Variants in GRIK4 observed in about 807,000 individuals in gnomAD.
GRIK4 encodes glutamate receptor ionotropic, kainate 4.
A neutral mutation model predicts 104.9 loss-of-function variants in GRIK4; 40 were observed. That is an observed-to-expected ratio of 0.38 (90% confidence interval 0.30 to 0.50). The LOEUF (loss-of-function observed/expected upper bound fraction) is 0.50. GRIK4 is among the 20% of genes least tolerant of loss of function. The probability of loss-of-function intolerance (pLI) is 0.93; values close to 1 mark genes in which losing one functional copy is unlikely to be tolerated. For synonymous variants in GRIK4, 485 were observed against 524.9 expected (o/e 0.92, Z 1.04); for missense variants, 1,047 against 1,308.1 (o/e 0.80, Z 3.08).
At chr11:120,901,181 C>A (rs562557323) in intron 12 of GRIK4, among the ~76,000 whole-genome samples, 1 of 152,164 alleles carries the variant, frequency 6.6e-6, no homozygotes, top group Non-Finnish European at 1.5e-5. Flanking sequence ...TCCTTCCTTA[C>A]AATCCTTCAG....
chr11:120,627,066 C>G (rs1196787201), intron 1 of GRIK4, among the ~76,000 whole-genome samples: 1 of 152,186 alleles, frequency 6.6e-6, no homozygotes, highest in African/African-American at 2.4e-5. Context: ...TTGTGCTGAT[C>G]TGTTCTTGAG....
chr11:120,545,518 G>A (rs778106067), intron 1 of GRIK4, among the ~76,000 whole-genome samples: 1 of 152,172 alleles, frequency 6.6e-6, no homozygotes, highest in Non-Finnish European at 1.5e-5. Context: ...GTGTTTTGAC[G>A]TACGATTATT....
chr11:120,796,712 T>A (rs1217824845), intron 3 of GRIK4, among the ~76,000 whole-genome samples: 2 of 151,984 alleles, frequency 1.3e-5, no homozygotes, highest in Non-Finnish European at 2.9e-5. Flanking sequence ...GTGGAGGGGA[T>A]GCTATGACCG....
chr11:120,933,622 C>T (rs1046201591), intron 13 of GRIK4, among the ~76,000 whole-genome samples: 3 of 152,160 alleles, frequency 2.0e-5, no homozygotes, highest in African/African-American at 7.2e-5. Flanking sequence ...CCTCTACTGC[C>T]TTAATAGCCC....
At chr11:120,537,663 T>C (rs1176949148) in intron 1 of GRIK4, among the ~76,000 whole-genome samples, 2 of 152,218 alleles carry the variant, frequency 1.3e-5, no homozygotes, top group South Asian at 2.1e-4. Flanking sequence ...TAGCGGGCGA[T>C]CATGGTGCAC....
At chr11:120,783,463 C>T (rs1952202722) in intron 3 of GRIK4, among the ~76,000 whole-genome samples, 1 of 152,084 alleles carries the variant, frequency 6.6e-6, no homozygotes. Context: ...TTGTCTGTTT[C>T]CTCTTCTTCC....
chr11:120,559,858 A>G (rs1213323987), intron 1 of GRIK4, among the ~76,000 whole-genome samples: 4 of 152,168 alleles, frequency 2.6e-5, no homozygotes, highest in African/African-American at 9.7e-5. Context: ...CTGTATCTGC[A>G]TTACACCAGC....
intron 3 of GRIK4, among the ~76,000 whole-genome samples, chr11:120,701,951 C>CTTTTTTT (rs34068640): frequency 4.3e-5 from 4 of 92,094 alleles, no homozygotes; most frequent in Admixed American, 1.4e-4. Context: ...TGATTCCAAG[C>CTTTTTTT]TTTTTTTTTT....
intron 11 of GRIK4, among the ~76,000 whole-genome samples, chr11:120,883,418 A>G (rs527962052): frequency 6.6e-6 from 1 of 152,320 alleles, no homozygotes; most frequent in Non-Finnish European, 1.5e-5. Flanking sequence ...TCCCCTTTCC[A>G]TTCCTTTCCA....
intron 18 of GRIK4, among the ~76,000 whole-genome samples, chr11:120,966,922 C>G (rs1362018201): frequency 6.6e-6 from 1 of 152,136 alleles, no homozygotes; most frequent in Non-Finnish European, 1.5e-5. Context: ...GGGTGTTTGG[C>G]CATGGGCTGG....
intron 3 of GRIK4, among the ~76,000 whole-genome samples, chr11:120,795,111 G>A (rs1190550518): frequency 6.6e-6 from 1 of 152,158 alleles, no homozygotes; most frequent in Non-Finnish European, 1.5e-5. Flanking sequence ...TGAGCCAAAC[G>A]GCCACAGACA....
intron 11 of GRIK4, among the ~76,000 whole-genome samples, chr11:120,888,308 G>T (rs1955178566): frequency 6.6e-6 from 1 of 152,012 alleles, no homozygotes; most frequent in South Asian, 2.1e-4. Flanking sequence ...GTTTGAATCT[G>T]CATTAACTAT....
At chr11:120,718,140 C>G (rs1170287987) in intron 3 of GRIK4, among the ~76,000 whole-genome samples, 1 of 152,154 alleles carries the variant, frequency 6.6e-6, no homozygotes. Context: ...GCCATCTTCC[C>G]TCTCTTCCAG....
intron 2 of GRIK4, among the ~76,000 whole-genome samples, chr11:120,654,641 G>A (rs1288122975): frequency 6.6e-6 from 1 of 152,206 alleles, no homozygotes; most frequent in Non-Finnish European, 1.5e-5. Flanking sequence ...GGGATTACAG[G>A]TGTTAGCCAC....
chr11:120,619,876 C>CTT (rs60138020), intron 1 of GRIK4: 2,869 of 201,482 alleles, frequency 0.014, 77 homozygotes, highest in African/African-American at 0.064. Flanking sequence ...TCTGCTATTT[C>CTT]TTTTTTTTTT....
chr11:120,836,769 TCTC>T lies in GRIK4; in HGVS notation c.691-19_691-17del. 6.4e-7 allele frequency: 1 copy of T among 1,569,398 alleles called. No individual in the cohort carries two copies. The highest frequency in any genetic ancestry group is 8.8e-7 in the Non-Finnish European group (1 of 1,139,146). On this transcript the variant is annotated intron_variant, in intron 7 of 20. Coordinates refer to ENST00000527524, the MANE Select transcript of GRIK4 (RefSeq NM_014619.5). The stretch of plus-strand genomic sequence containing the variant: ...AGTGAGTTTTTGTTTTCTTCTCTAA[TCTC>T]CTTCTCTTCGCCTTGCAGGCAGCCG...
chr11:120,756,298 C>T (rs539475584), intron 3 of GRIK4, among the ~76,000 whole-genome samples: 1 of 152,330 alleles, frequency 6.6e-6, no homozygotes, highest in East Asian at 1.9e-4. Flanking sequence ...GACCCCATGT[C>T]CTAGCCTGCT....
intron 3 of GRIK4, among the ~76,000 whole-genome samples, chr11:120,742,695 A>ACCCC (rs1951358182): frequency 6.6e-6 from 1 of 152,168 alleles, no homozygotes; most frequent in African/African-American, 2.4e-5. Context: ...CCATTGTGGA[A>ACCCC]AGCAGTATGG....
intron 1 of GRIK4, among the ~76,000 whole-genome samples, chr11:120,621,985 C>T (rs1366733875): frequency 6.6e-6 from 1 of 152,078 alleles, no homozygotes; most frequent in Admixed American, 6.5e-5. Flanking sequence ...ATTGCAACCT[C>T]CACCTCCTGG....
Sources: allele counts gnomAD v4.1 joint callset (sites outside exome capture counted in the v4.1 genomes callset), GRCh38; gene constraint gnomAD v4.1.1; transcripts MANE v1.5; gene names NCBI Gene and HGNC (gene_info 2026-07-23, HGNC 2026-07-21).